ASTN2: variants seen among roughly 807,000 people sequenced by gnomAD.
ASTN2 encodes astrotactin-2.
ASTN2 carries 54 observed loss-of-function variants against 139.8 expected under a neutral mutation model. The ratio of observed to expected loss-of-function variants is 0.39; its 90% CI spans 0.31 to 0.48. The LOEUF (loss-of-function observed/expected upper bound fraction) is 0.48, where lower values mean the gene tolerates loss of function less well. ASTN2 is among the 20% of genes least tolerant of loss of function. The pLI, the probability that ASTN2 is intolerant of heterozygous loss-of-function variation, is 0.95. For missense variants in ASTN2, 1,565 were observed against 1,725.1 expected, an observed-to-expected ratio of 0.91 and a Z score of 1.64; for synonymous variants, 756 against 719.5, an observed-to-expected ratio of 1.05 and a Z score of -0.81.
chr9:117,408,741 G>T (rs947315739), intron 1 of ASTN2, among the ~76,000 whole-genome samples: 2 of 152,100 alleles, frequency 1.3e-5, no homozygotes, highest in Admixed American at 1.3e-4. Context: ...CAGCAAATCT[G>T]GTCCACCTTG....
At chr9:116,498,597 C>CAA (rs371021345) in intron 19 of ASTN2, among the ~76,000 whole-genome samples, 21 of 134,210 alleles carry the variant, frequency 1.6e-4, no homozygotes, top group African/African-American at 5.4e-4. Context: ...GACCCTACCT[C>CAA]AAAAAAAAAA....
At chr9:116,551,088 A>G (rs931458639) in intron 19 of ASTN2, 2 of 152,206 alleles carry the variant, frequency 1.3e-5, no homozygotes, top group Non-Finnish European at 2.9e-5. Flanking sequence ...GAGATTCTCA[A>G]TCAGGGTGAG....
At chr9:116,906,020 G>T (rs921105229) in intron 10 of ASTN2, among the ~76,000 whole-genome samples, 1 of 151,936 alleles carries the variant, frequency 6.6e-6, no homozygotes, top group Non-Finnish European at 1.5e-5. Context: ...GAAGCAGCAG[G>T]TTCCTGTTCT....
In ASTN2 at chr9:116,666,404, A is replaced by T. The variant is rs139530531; in HGVS notation, c.2807-14611T>A. 9.3e-4 allele frequency among the ~76,000 whole-genome samples: 141 copies of T among 152,318 alleles called. 1 individual carries two copies. In the South Asian group the frequency reaches 0.01, roughly 11 times the overall value. ...TTTCCTTAAATTATGAATGCCATTAACAAAACATAGTAGTATGAACATTTC... is the reference window on the plus strand; with the variant it reads ...TTTCCTTAAATTATGAATGCCATTATCAAAACATAGTAGTATGAACATTTC... On this transcript the variant is annotated intron_variant, in intron 16 of 22. Coordinates refer to ENST00000313400, the MANE Select transcript of ASTN2 (RefSeq NM_001365068.1).
intron 2 of ASTN2, among the ~76,000 whole-genome samples, chr9:117,290,300 T>C (rs1197735265): frequency 6.6e-6 from 1 of 152,238 alleles, no homozygotes; most frequent in Non-Finnish European, 1.5e-5. Context: ...CTGAGCCCAT[T>C]AGACTCTGTG....
chr9:117,086,021 T>C (rs919674224), intron 5 of ASTN2, among the ~76,000 whole-genome samples: 3 of 152,208 alleles, frequency 2.0e-5, no homozygotes, highest in Non-Finnish European at 2.9e-5. Flanking sequence ...CTTCTCCTGG[T>C]ATTGTTTAGA....
intron 19 of ASTN2, among the ~76,000 whole-genome samples, chr9:116,530,640 A>G (rs1851303812): frequency 6.6e-6 from 1 of 152,168 alleles, no homozygotes; most frequent in Non-Finnish European, 1.5e-5. Flanking sequence ...AAAACAAGAA[A>G]ATATCTGATG....
chr9:116,673,202 G>A (rs1859303933), intron 16 of ASTN2, among the ~76,000 whole-genome samples: 1 of 152,130 alleles, frequency 6.6e-6, no homozygotes, highest in South Asian at 2.1e-4. Flanking sequence ...CCACACTGTG[G>A]AGTGTTCTTT....
chr9:117,272,019 G>C (rs1036981483), intron 2 of ASTN2, among the ~76,000 whole-genome samples: 2 of 152,158 alleles, frequency 1.3e-5, no homozygotes, highest in African/African-American at 4.8e-5. Flanking sequence ...GATGCTCTGT[G>C]GGGGCTCCAA....
intron 17 of ASTN2, among the ~76,000 whole-genome samples, chr9:116,629,706 A>C (rs1220557962): frequency 6.6e-6 from 1 of 152,158 alleles, no homozygotes; most frequent in Non-Finnish European, 1.5e-5. Context: ...CTGTCAGGAT[A>C]AGCTTCACTT....
intron 17 of ASTN2, among the ~76,000 whole-genome samples, chr9:116,646,798 C>A (rs946716478): frequency 6.6e-6 from 1 of 152,132 alleles, no homozygotes; most frequent in East Asian, 1.9e-4. Context: ...GAAGATAGTG[C>A]CCATGCCTGT....
intron 4 of ASTN2, among the ~76,000 whole-genome samples, chr9:117,116,834 CAAAAAAAAAAAAAAAA>C (rs72075422): frequency 6.6e-5 from 3 of 45,180 alleles, no homozygotes; most frequent in East Asian, 7.8e-4. Flanking sequence ...TGGCATGAGC[CAAAAAAAAAAAAAAAA>C]AAAAAAAAAA....
chr9:117,396,571 T>G (rs972771350), intron 1 of ASTN2, among the ~76,000 whole-genome samples: 2 of 152,076 alleles, frequency 1.3e-5, no homozygotes, highest in Non-Finnish European at 2.9e-5. Flanking sequence ...ATGTTTTGTG[T>G]TGTTGTTGTT....
intron 19 of ASTN2, chr9:116,547,282 C>T (rs544178560): frequency 2.6e-5 from 4 of 152,252 alleles, no homozygotes; most frequent in East Asian, 1.9e-4. Context: ...TAACCTGTTT[C>T]GTGTCCAACT....
chr9:116,617,673 T>A (rs941859319), intron 19 of ASTN2, among the ~76,000 whole-genome samples: 1 of 152,172 alleles, frequency 6.6e-6, no homozygotes, highest in Non-Finnish European at 1.5e-5. Context: ...AAAAAACAGA[T>A]GTCTAATTGA....
At chr9:117,222,207 A>C (rs1003747763) in intron 2 of ASTN2, among the ~76,000 whole-genome samples, 1 of 152,118 alleles carries the variant, frequency 6.6e-6, no homozygotes, top group African/African-American at 2.4e-5. Context: ...TAAGCTAAGA[A>C]TCCTGTAGTT....
chr9:116,492,605 T>C, intron 19 of ASTN2, among the ~76,000 whole-genome samples: 1 of 152,238 alleles, frequency 6.6e-6, no homozygotes, highest in East Asian at 1.9e-4. Flanking sequence ...ACTTATGAGA[T>C]AAAATCACTG....
At chr9:117,140,211 G>C (rs1381961263) in intron 4 of ASTN2, among the ~76,000 whole-genome samples, 1 of 152,156 alleles carries the variant, frequency 6.6e-6, no homozygotes, top group African/African-American at 2.4e-5. Flanking sequence ...AGCATGGCAT[G>C]GGAAACAGCA....
At chr9:117,248,880 A>C (rs1833459396) in intron 2 of ASTN2, among the ~76,000 whole-genome samples, 1 of 152,136 alleles carries the variant, frequency 6.6e-6, no homozygotes, top group Non-Finnish European at 1.5e-5. Context: ...AGACTTCATC[A>C]AGGCTGGATG....
Sources: gnomAD v4.1 joint callset for allele counts (sites outside exome capture counted in the v4.1 genomes callset) on GRCh38, gnomAD v4.1.1 for gene constraint, MANE v1.5 for transcripts, NCBI Gene and HGNC (gene_info 2026-07-23, HGNC 2026-07-21) for gene names.